KIF27: variants seen among roughly 807,000 people sequenced by gnomAD.
KIF27 encodes kinesin-like protein KIF27.
A neutral mutation model predicts 141.8 loss-of-function variants in KIF27; 84 were observed. The observed-to-expected ratio is 0.59, with a 90% CI of 0.50 to 0.71. The LOEUF (loss-of-function observed/expected upper bound fraction) is 0.71. Ranked by LOEUF, KIF27 falls within the 30% of genes least tolerant of loss-of-function variation. The pLI is 0.00. For missense variants in KIF27, 1,306 were observed against 1,628.4 expected, an observed-to-expected ratio of 0.80 and a Z score of 3.41; for synonymous variants, 471 against 569.5, an observed-to-expected ratio of 0.83 and a Z score of 2.46.
At chr9:83,861,066 T>A (rs1949851688) in intron 13 of KIF27, among the ~76,000 whole-genome samples, 1 of 152,022 alleles carries the variant, frequency 6.6e-6, no homozygotes, top group African/African-American at 2.4e-5. Flanking sequence ...TTACAAGTAG[T>A]CTTTTTTGTC....
At chr9:83,862,288 C>T (rs1156829631) in intron 13 of KIF27, among the ~76,000 whole-genome samples, 1 of 151,998 alleles carries the variant, frequency 6.6e-6, no homozygotes, top group Non-Finnish European at 1.5e-5. Flanking sequence ...AGGTTTTCTT[C>T]TAGGGTTTTT....
chr9:83,870,699 ATTATTTTCT>A, intron 11 of KIF27, 67 bp from the exon 12 acceptor site: 5 of 1,445,388 alleles, frequency 3.5e-6, no homozygotes, highest in Non-Finnish European at 3.6e-6. Flanking sequence ...GCTGATGACA[ATTATTTTCT>A]TTTTTTTTTT....
chr9:83,897,410 A>G (rs1953381382), intron 5 of KIF27, among the ~76,000 whole-genome samples: 1 of 152,194 alleles, frequency 6.6e-6, no homozygotes, highest in Non-Finnish European at 1.5e-5. Flanking sequence ...ATGAATATCT[A>G]TATGTTTAAA....
Position 83,905,055 on chromosome 9 carries a change from C to T in KIF27, c.500-1037G>A, listed in dbSNP as rs1218975119. ...AAGAAAAAAAAGTTTTTATTTCAATCGCAGAATGAACTAAAAATAACCTAC... is the reference window on the plus strand; with the variant it reads ...AAGAAAAAAAAGTTTTTATTTCAATTGCAGAATGAACTAAAAATAACCTAC... On this transcript the variant is annotated intron_variant, in intron 3 of 17. Transcript: ENST00000297814. 5.3e-5 allele frequency among the ~76,000 whole-genome samples: 8 copies of T among 151,750 alleles called. No homozygotes were observed. The South Asian group carries it at 6.2e-4, about 12-fold the overall frequency.
At chr9:83,842,472 G>GT (rs71365387) in intron 16 of KIF27, 71 bp from the exon 17 acceptor site, 390,008 of 1,444,262 alleles carry the variant, frequency 0.27, 54,240 homozygotes, top group African/African-American at 0.51. Context: ...TTGTTTGTTT[G>GT]TTTTTTTTGA....
rs1945905107 is a variant in KIF27 at position 83,836,843 on chromosome 9, A to T, written c.*158T>A. ...CTAAAACTCCCCAAATATATATAGAAGATGTACACATCTATAGCATATAAA... is the reference window on the plus strand; with the variant it reads ...CTAAAACTCCCCAAATATATATAGATGATGTACACATCTATAGCATATAAA... On this transcript the variant is annotated 3_prime_UTR_variant, in exon 18 of 18. Transcript: ENST00000297814. 8.8e-7 allele frequency: 1 copy of T among 1,135,806 alleles called. No homozygotes were observed. Among genetic ancestry groups the T allele is most frequent in the Non-Finnish European group, 1.2e-6 (1 of 823,066 alleles). 70.4% of individuals were successfully genotyped at this position (1,135,806 alleles called of 1,614,324 possible). A position where few individuals can be genotyped will look rare whatever the true frequency, so the allele number is the denominator to read the frequency against.
Position 83,835,505 on chromosome 9 carries a change from A to G in KIF27, c.*1496T>C, listed in dbSNP as rs1227515851. 6.6e-6 allele frequency: 1 copy of G among 152,030 alleles called. No individual in the cohort carries two copies. The highest frequency in any genetic ancestry group is 1.5e-5 in the Non-Finnish European group (1 of 68,012). 9.4% of individuals were successfully genotyped at this position (152,030 alleles called of 1,614,324 possible). ...AATTTTAGTACCATGCTTAAGAGAT[A>G]TTTTCCTTTTTATAAGTTTGTTTTG... On this transcript the variant is annotated 3_prime_UTR_variant, in exon 18 of 18. Transcript: ENST00000297814.
At chr9:83,900,673 G>T (rs1953779697) in intron 4 of KIF27, among the ~76,000 whole-genome samples, 1 of 151,616 alleles carries the variant, frequency 6.6e-6, no homozygotes. Context: ...CAAAATTGTG[G>T]AACCAAACCA....
intron 4 of KIF27, among the ~76,000 whole-genome samples, chr9:83,902,206 TA>T (rs886538194): frequency 4.6e-5 from 7 of 152,066 alleles, no homozygotes; most frequent in Admixed American, 1.3e-4. Flanking sequence ...GCTTAGAGCT[TA>T]AAAAAAAGGA....
chr9:83,896,998 G>C (rs1218732439), intron 5 of KIF27, among the ~76,000 whole-genome samples: 1 of 152,098 alleles, frequency 6.6e-6, no homozygotes, highest in Non-Finnish European at 1.5e-5. Flanking sequence ...TCTAAAATTA[G>C]ATGGTGTGAT....
intron 4 of KIF27, among the ~76,000 whole-genome samples, chr9:83,901,227 C>T (rs1204259151): frequency 6.6e-6 from 1 of 152,200 alleles, no homozygotes; most frequent in Non-Finnish European, 1.5e-5. Context: ...TCCCAAAGTG[C>T]TGTGATTACA....
chr9:83,863,666 G>C (rs1950125512), intron 13 of KIF27: 1 of 152,174 alleles, frequency 6.6e-6, no homozygotes, highest in African/African-American at 2.4e-5. Context: ...GCCAGGCTTT[G>C]TTATCAGGAT....
In KIF27 at chr9:83,895,411, A is replaced by G. The variant is rs1953103768; in HGVS notation, c.1603-3910T>C. ...TCTCAGTTATTTCCTTAGTTTGGGA[A>G]AGGGTAAATTAAAAATACCTATAGA... is the stretch of plus-strand genomic sequence containing the variant. On this transcript the variant is annotated intron_variant, in intron 5 of 17. Transcript: ENST00000297814. Among the ~76,000 whole-genome samples the G allele has an allele frequency of 4.6e-5, 7 of 152,198 alleles. No homozygotes were observed. In the South Asian group the frequency reaches 1.2e-3, roughly 27 times the overall value.
At chr9:83,905,602 C>G (rs1228179532) in intron 3 of KIF27, among the ~76,000 whole-genome samples, 1 of 152,152 alleles carries the variant, frequency 6.6e-6, no homozygotes, top group Non-Finnish European at 1.5e-5. Flanking sequence ...ACTTTTTAAA[C>G]AACCCAGTTC....
intron 14 of KIF27, among the ~76,000 whole-genome samples, chr9:83,856,274 C>T (rs943607057): frequency 8.5e-5 from 13 of 152,172 alleles, no homozygotes; most frequent in African/African-American, 2.9e-4. Context: ...AAACTAACAA[C>T]AACTTTTGAG....
At position 83,853,898 on chromosome 9, in the gene KIF27, T is replaced by G. The variant is rs1397961611; in HGVS notation, c.3151-63A>C. On this transcript the variant is annotated intron_variant, in intron 14 of 17. Coordinates refer to ENST00000297814, the MANE Select transcript of KIF27 (RefSeq NM_017576.4). ...GTATAACTTTGACTTTGTCATATAC[T>G]CAGATCCTCCTAAGCTATTTGAGTC... 4.1e-6 allele frequency: 5 copies of G among 1,210,098 alleles called. No homozygotes were observed. The African/African-American group carries it at 4.5e-5, about 11-fold the overall frequency. 75.0% of individuals were successfully genotyped at this position (1,210,098 alleles called of 1,614,324 possible).
At chr9:83,865,146 T>C (rs748250815) in intron 13 of KIF27, among the ~76,000 whole-genome samples, 15 of 152,200 alleles carry the variant, frequency 9.9e-5, no homozygotes, top group Non-Finnish European at 2.2e-4. Context: ...GATACTCTCC[T>C]CTTTTCTGTT....
At chr9:83,901,860 A>C (rs1370442435) in intron 4 of KIF27, among the ~76,000 whole-genome samples, 3 of 152,182 alleles carry the variant, frequency 2.0e-5, no homozygotes, top group Non-Finnish European at 4.4e-5. Context: ...CGAGAGAGCA[A>C]GATTCCATCT....
chr9:83,867,558 A>G, intron 13 of KIF27, 126 bp downstream of exon 13: 1 of 1,209,084 alleles, frequency 8.3e-7, no homozygotes, highest in Non-Finnish European at 1.1e-6. Context: ...CCAGCAGTGT[A>G]TGAAGGTCCC....
Sources: gnomAD v4.1 joint callset for allele counts (sites outside exome capture counted in the v4.1 genomes callset) on GRCh38, gnomAD v4.1.1 for gene constraint, MANE v1.5 for transcripts, NCBI Gene and HGNC (gene_info 2026-07-23, HGNC 2026-07-21) for gene names.